The following IPCEF1 variants were observed in gnomAD, a reference collection of about 807,000 sequenced individuals.
IPCEF1 encodes interaction protein for cytohesin exchange factors 1, also known as interactor protein for cytohesin exchange factors 1.
IPCEF1 carries 31 observed loss-of-function variants against 50.9 expected under a neutral mutation model. The observed-to-expected ratio is 0.61, with a 90% CI of 0.46 to 0.82. The LOEUF (loss-of-function observed/expected upper bound fraction) is 0.82. Ranked by LOEUF, IPCEF1 falls within the 40% of genes least tolerant of loss-of-function variation. The pLI, the probability that IPCEF1 is intolerant of heterozygous loss-of-function variation, is 0.00. For missense variants in IPCEF1, 458 were observed against 514.0 expected (o/e 0.89, Z 1.05); for synonymous variants, 181 against 192.0 (o/e 0.94, Z 0.47).
intron 2 of IPCEF1, among the ~76,000 whole-genome samples, chr6:154,270,355 C>G (rs1439763987): frequency 6.6e-6 from 1 of 152,080 alleles, no homozygotes; most frequent in Non-Finnish European, 1.5e-5. Flanking sequence ...TATTTACTTA[C>G]GTGAAAAATA....
intron 9 of IPCEF1, 94 bp from the exon 10 acceptor site, chr6:154,200,134 G>T: frequency 8.5e-7 from 1 of 1,178,674 alleles, no homozygotes; most frequent in Non-Finnish European, 1.2e-6. Flanking sequence ...GTGTCCCCGT[G>T]TTATTTCAAA....
In IPCEF1 at chr6:154,174,419, G is replaced by A. The variant is rs1465087222; in HGVS notation, c.911-6306C>T. ...AGACCCATCAGTGTGCTATATTCAG[G>A]AGACCCATCTCACGTGCAGAGACAC... On this transcript the variant is annotated intron_variant, in intron 10 of 11. Transcript: ENST00000367220. Among the ~76,000 whole-genome samples the A allele has an allele frequency of 2.0e-5, 3 of 152,160 alleles. No individual in the cohort carries two copies. The South Asian group carries it at 6.2e-4, about 32-fold the overall frequency.
intron 5 of IPCEF1, among the ~76,000 whole-genome samples, chr6:154,233,115 T>C (rs9384193): frequency 0.43 from 65,711 of 151,774 alleles, 15,093 homozygotes; most frequent in East Asian, 0.73. Flanking sequence ...GTTACAGGCA[T>C]GTGCCGCCAC....
intron 3 of IPCEF1, among the ~76,000 whole-genome samples, chr6:154,254,929 A>T (rs2093584347): frequency 6.6e-6 from 1 of 151,918 alleles, no homozygotes; most frequent in Non-Finnish European, 1.5e-5. Flanking sequence ...TCTCACATGC[A>T]ATTTCTCTGA....
At position 154,197,476 on chromosome 6, in the gene IPCEF1, G is replaced by GA. The variant is rs201462405; in HGVS notation, c.910+2191dup. On this transcript the variant is annotated intron_variant, in intron 10 of 11. Transcript: ENST00000367220. Reference sequence around the variant, plus strand: ...GAGAACTGCCAACAAATCAATGAGAGAAAAAAAATACTTTCATTTTCTTTT... The same window carrying GA: ...GAGAACTGCCAACAAATCAATGAGAGAAAAAAAAATACTTTCATTTTCTTTT... Among the ~76,000 whole-genome samples the GA allele has an allele frequency of 5.1e-3, 771 of 151,928 alleles. 10 individuals carry two copies. The highest frequency in any genetic ancestry group is 0.017 in the African/African-American group (724 of 41,450).
intron 6 of IPCEF1, among the ~76,000 whole-genome samples, chr6:154,221,812 T>G (rs934427260): frequency 6.6e-6 from 1 of 152,084 alleles, no homozygotes; most frequent in Non-Finnish European, 1.5e-5. Flanking sequence ...AGGCAGAGCT[T>G]GCAGTGAGCC....
At chr6:154,285,628 T>A (rs1782340806) in intron 2 of IPCEF1, among the ~76,000 whole-genome samples, 1 of 152,208 alleles carries the variant, frequency 6.6e-6, no homozygotes, top group Non-Finnish European at 1.5e-5. Flanking sequence ...TTTTTTGTAA[T>A]CTAGTTGTCC....
intron 10 of IPCEF1, among the ~76,000 whole-genome samples, chr6:154,192,318 CTG>C (rs56231733): frequency 0.14 from 20,748 of 147,816 alleles, 1,557 homozygotes; most frequent in Admixed American, 0.24. Flanking sequence ...CACGTGGTTA[CTG>C]TGTGTGTGTG....
At chr6:154,197,269 A>T (rs1225468836) in intron 10 of IPCEF1, among the ~76,000 whole-genome samples, 1 of 152,158 alleles carries the variant, frequency 6.6e-6, no homozygotes, top group Non-Finnish European at 1.5e-5. Flanking sequence ...ACACATAAAC[A>T]CACATGTAAA....
At chr6:154,351,778 G>C (rs1208601050) in intron 1 of IPCEF1, among the ~76,000 whole-genome samples, 1 of 152,158 alleles carries the variant, frequency 6.6e-6, no homozygotes, top group East Asian at 1.9e-4. Context: ...TCCCAGAACT[G>C]TTTTAAGAAG....
intron 1 of IPCEF1, among the ~76,000 whole-genome samples, chr6:154,293,321 A>T (rs1479399773): frequency 2.6e-5 from 4 of 152,248 alleles, no homozygotes; most frequent in African/African-American, 9.6e-5. Context: ...GCAACTGCAG[A>T]TGCTTATCTG....
At chr6:154,200,497 G>T (rs1776975467) in intron 9 of IPCEF1, among the ~76,000 whole-genome samples, 1 of 152,178 alleles carries the variant, frequency 6.6e-6, no homozygotes, top group South Asian at 2.1e-4. Context: ...GAGACAGGCA[G>T]ATCACCTGAG....
At chr6:154,306,471 A>G (rs953107435) in intron 1 of IPCEF1, among the ~76,000 whole-genome samples, 6 of 152,212 alleles carry the variant, frequency 3.9e-5, no homozygotes, top group Non-Finnish European at 7.3e-5. Context: ...TCCTGCGTTC[A>G]AGGTATCCTC....
chr6:154,336,604 T>C (rs1410506622), intron 1 of IPCEF1, among the ~76,000 whole-genome samples: 1 of 152,070 alleles, frequency 6.6e-6, no homozygotes, highest in Non-Finnish European at 1.5e-5. Context: ...AAAGTTCTCT[T>C]TTTTTTCTTT....
chr6:154,322,618 A>G (rs781604736), intron 1 of IPCEF1, among the ~76,000 whole-genome samples: 9 of 152,006 alleles, frequency 5.9e-5, no homozygotes, highest in African/African-American at 2.2e-4. Context: ...GAGGCAGATC[A>G]ATGAGGCCAG....
At chr6:154,220,596 C>T (rs1007838464) in intron 7 of IPCEF1, among the ~76,000 whole-genome samples, 6 of 152,056 alleles carry the variant, frequency 3.9e-5, no homozygotes, top group Non-Finnish European at 5.9e-5. Context: ...GAGCCGAGAT[C>T]GCACCACTGC....
intron 5 of IPCEF1, among the ~76,000 whole-genome samples, chr6:154,232,978 T>A (rs1320149248): frequency 1.3e-4 from 19 of 151,190 alleles, no homozygotes; most frequent in Admixed American, 1.2e-3. Flanking sequence ...TCTTTTTTTT[T>A]TTTTTTTGAG....
intron 2 of IPCEF1, among the ~76,000 whole-genome samples, chr6:154,273,258 G>A (rs534188382): frequency 7.8e-4 from 119 of 152,190 alleles, no homozygotes; most frequent in Non-Finnish European, 1.5e-3. Context: ...AACAATGTGC[G>A]TTATTCTTAA....
At chr6:154,207,556 G>A (rs1777604321) in intron 9 of IPCEF1, among the ~76,000 whole-genome samples, 1 of 105,000 alleles carries the variant, frequency 9.5e-6, no homozygotes, top group Admixed American at 8.6e-5. Flanking sequence ...TAAACTTTTT[G>A]GGGTTTTTTT....
Sources: gnomAD v4.1 joint callset for allele counts (sites outside exome capture counted in the v4.1 genomes callset) on GRCh38, gnomAD v4.1.1 for gene constraint, MANE v1.5 for transcripts, NCBI Gene and HGNC (gene_info 2026-07-23, HGNC 2026-07-21) for gene names.